Variants in VAV3 observed in about 807,000 individuals in gnomAD.
VAV3 encodes guanine nucleotide exchange factor VAV3.
A neutral mutation model predicts 131.2 loss-of-function variants in VAV3; 94 were observed. The observed-to-expected ratio is 0.72, with a 90% CI of 0.61 to 0.85. The LOEUF (loss-of-function observed/expected upper bound fraction) is 0.85. VAV3 is among the 40% of genes least tolerant of loss of function. VAV3 has a pLI of 0.00. For missense variants in VAV3, 939 were observed against 1,002.7 expected, an observed-to-expected ratio of 0.94 and a Z score of 0.86; for synonymous variants, 349 against 342.0, an observed-to-expected ratio of 1.02 and a Z score of -0.22.
intron 2 of VAV3, among the ~76,000 whole-genome samples, chr1:107,807,922 C>T (rs1201625332): frequency 3.9e-5 from 6 of 152,190 alleles, no homozygotes; most frequent in African/African-American, 7.2e-5. Context: ...GAAACTTGTA[C>T]ATTTACAAAT....
rs556644402 is a variant in VAV3 at position 107,882,440 on chromosome 1, A to C, written c.205-7423T>G. On this transcript the variant is annotated intron_variant, in intron 1 of 26. Transcript: ENST00000370056. Reference sequence around the variant, plus strand: ...GAAAGGCACAGAAGAGACGACCATGAAACCGATTTACAAACATTAAGGTAC... The same window carrying C: ...GAAAGGCACAGAAGAGACGACCATGCAACCGATTTACAAACATTAAGGTAC... Among the ~76,000 whole-genome samples the C allele has an allele frequency of 1.6e-4, 25 of 152,338 alleles. No individual in the cohort carries two copies. The South Asian group carries it at 5.2e-3, about 32-fold the overall frequency.
At chr1:107,585,360 G>GTT (rs201349042) in intron 25 of VAV3, among the ~76,000 whole-genome samples, 2 of 151,798 alleles carry the variant, frequency 1.3e-5, no homozygotes, top group African/African-American at 4.8e-5. Flanking sequence ...TATTTTCATG[G>GTT]TTTTTTTTAT....
chr1:107,913,157 A>G (rs1672450343), intron 1 of VAV3, among the ~76,000 whole-genome samples: 1 of 152,192 alleles, frequency 6.6e-6, no homozygotes, highest in Admixed American at 6.5e-5. Flanking sequence ...ATCCATATCT[A>G]TATTTAATGT....
intron 18 of VAV3, chr1:107,685,737 A>G (rs1658969216): frequency 6.6e-6 from 1 of 152,100 alleles, no homozygotes; most frequent in Admixed American, 6.5e-5. Context: ...TTTATATTGA[A>G]AAACCTGGAG....
chr1:107,618,526 T>G lies in VAV3; in HGVS notation c.1915-894A>C, dbSNP rs551021113. ...GGACTCTATTAGGTTGGTGCAAAAG[T>G]AATTGTGGTTTTTATCATTAAACTG... is the stretch of plus-strand genomic sequence containing the variant. On this transcript the variant is annotated intron_variant, in intron 20 of 26. Coordinates refer to ENST00000370056, the MANE Select transcript of VAV3 (RefSeq NM_006113.5). Among the ~76,000 whole-genome samples, 5 of 152,346 alleles carry G rather than the reference T, an allele frequency of 3.3e-5. No homozygotes were observed. The South Asian group carries it at 8.3e-4, about 25-fold the overall frequency.
intron 1 of VAV3, among the ~76,000 whole-genome samples, chr1:107,938,501 G>A (rs955906764): frequency 6.6e-6 from 1 of 152,140 alleles, no homozygotes; most frequent in African/African-American, 2.4e-5. Context: ...AGATAAGAAA[G>A]GGGCAGAAAT....
At chr1:107,602,508 A>C in intron 23 of VAV3, 24 bp from the exon 24 acceptor site, 1 of 1,522,612 alleles carries the variant, frequency 6.6e-7, no homozygotes, top group African/African-American at 1.4e-5. Context: ...ATAACTTATG[A>C]ATATAAATGT....
At chr1:107,841,164 T>C (rs964954163) in intron 2 of VAV3, among the ~76,000 whole-genome samples, 3 of 152,188 alleles carry the variant, frequency 2.0e-5, no homozygotes, top group Non-Finnish European at 4.4e-5. Context: ...CATTCATTCA[T>C]ACACTCAGAA....
chr1:107,642,873 G>T, intron 19 of VAV3, 118 bp from the exon 20 acceptor site: 1 of 1,388,046 alleles, frequency 7.2e-7, no homozygotes, highest in Non-Finnish European at 9.7e-7. Flanking sequence ...CCAAGTCCAA[G>T]TAAACATTTT....
rs1442322211 is a variant in VAV3, at chr1:107,770,682, T to TTAATAAC, written c.601_602insGTTATTA (p.Lys201SerfsTer3). ...TTCTGTATATTTTTCTTCTGTCTGC[T>TTAATAAC]TAATTTCTGCTAGACAACAACTTCG... On this transcript the variant is annotated stop_gained and frameshift_variant, in exon 6 of 27. Coordinates refer to ENST00000370056, the MANE Select transcript of VAV3 (RefSeq NM_006113.5). LOFTEE classifies it high-confidence loss of function. 2 of 1,612,464 alleles carry TTAATAAC rather than the reference T, an allele frequency of 1.2e-6. No homozygotes were observed.
chr1:107,839,544 T>C (rs2100917155), intron 2 of VAV3, among the ~76,000 whole-genome samples: 1 of 152,134 alleles, frequency 6.6e-6, no homozygotes, highest in Admixed American at 6.5e-5. Flanking sequence ...AGAGAAAAAT[T>C]TATAGCATTA....
intron 25 of VAV3, among the ~76,000 whole-genome samples, chr1:107,583,390 T>C (rs1282759207): frequency 1.3e-5 from 2 of 152,134 alleles, no homozygotes; most frequent in South Asian, 2.1e-4. Flanking sequence ...TTCAACATAG[T>C]GTTGGAAGTT....
chr1:107,813,963 C>T (rs1667441585), intron 2 of VAV3, among the ~76,000 whole-genome samples: 1 of 112,930 alleles, frequency 8.9e-6, no homozygotes, highest in Non-Finnish European at 1.9e-5. Flanking sequence ...CTAAATAGTA[C>T]TCCAGTGTGT....
chr1:107,600,985 A>G (rs1651811145), intron 24 of VAV3, among the ~76,000 whole-genome samples: 1 of 152,186 alleles, frequency 6.6e-6, no homozygotes, highest in Non-Finnish European at 1.5e-5. Context: ...TTACCATCCA[A>G]GGAAGTTCTG....
chr1:107,722,582 C>T (rs1017631998), intron 15 of VAV3, among the ~76,000 whole-genome samples: 1 of 152,154 alleles, frequency 6.6e-6, no homozygotes, highest in Non-Finnish European at 1.5e-5. Flanking sequence ...TGAATGCCTA[C>T]TATGCTCCAA....
intron 20 of VAV3, among the ~76,000 whole-genome samples, chr1:107,637,241 T>C (rs1233910636): frequency 6.6e-6 from 1 of 152,106 alleles, no homozygotes; most frequent in Non-Finnish European, 1.5e-5. Flanking sequence ...ATGGACAAAT[T>C]CCTTGAAAAC....
At chr1:107,906,336 C>A (rs1316843586) in intron 1 of VAV3, among the ~76,000 whole-genome samples, 1 of 152,132 alleles carries the variant, frequency 6.6e-6, no homozygotes, top group East Asian at 1.9e-4. Context: ...GAACACATGT[C>A]AACATAAGCT....
At chr1:107,729,340 T>G (rs528736081) in intron 15 of VAV3, among the ~76,000 whole-genome samples, 4 of 152,210 alleles carry the variant, frequency 2.6e-5, no homozygotes, top group African/African-American at 9.6e-5. Context: ...TAAGGCAAAT[T>G]TGGTATATGA....
intron 17 of VAV3, among the ~76,000 whole-genome samples, chr1:107,701,300 C>A (rs1287185784): frequency 9.9e-6 from 1 of 101,256 alleles, no homozygotes; most frequent in Non-Finnish European, 2.3e-5. Flanking sequence ...GGGCTTGCAC[C>A]CTCTGAAGCA....
Sources: allele counts gnomAD v4.1 joint callset (sites outside exome capture counted in the v4.1 genomes callset), GRCh38; gene constraint gnomAD v4.1.1; transcripts MANE v1.5; gene names NCBI Gene and HGNC (gene_info 2026-07-23, HGNC 2026-07-21).